Variants in NDST3 observed in about 807,000 individuals in gnomAD.
The protein encoded by NDST3 is bifunctional heparan sulfate N-deacetylase/N-sulfotransferase 3.
A neutral mutation model predicts 96.1 loss-of-function variants in NDST3; 58 were observed. That is an observed-to-expected ratio of 0.60 (90% confidence interval 0.49 to 0.75). NDST3 has a LOEUF of 0.75. Among genes scored for constraint, NDST3 ranks in the 30% least tolerant of loss-of-function variants. NDST3 has a pLI of 0.00. For synonymous variants in NDST3, 333 were observed against 359.7 expected (o/e 0.93, Z 0.84); for missense variants, 788 against 1,034.2 (o/e 0.76, Z 3.27).
chr4:118,246,432 T>C (rs1214756829), intron 12 of NDST3, among the ~76,000 whole-genome samples: 1 of 151,948 alleles, frequency 6.6e-6, no homozygotes, highest in African/African-American at 2.4e-5. Flanking sequence ...ATGGAGAAAC[T>C]TGTCTCTACT....
chr4:118,248,088 C>T (rs769205923), intron 12 of NDST3, among the ~76,000 whole-genome samples: 6 of 152,152 alleles, frequency 3.9e-5, no homozygotes, highest in African/African-American at 1.4e-4. Flanking sequence ...CTGTGGCTCA[C>T]GCCTGTAATC....
intron 6 of NDST3, among the ~76,000 whole-genome samples, chr4:118,188,725 T>A (rs970329538): frequency 6.6e-6 from 1 of 152,200 alleles, no homozygotes; most frequent in Non-Finnish European, 1.5e-5. Context: ...GGCTTCATAA[T>A]ATGATCCAAA....
intron 2 of NDST3, among the ~76,000 whole-genome samples, chr4:118,098,623 G>A (rs917755658): frequency 6.6e-6 from 1 of 151,980 alleles, no homozygotes; most frequent in African/African-American, 2.4e-5. Context: ...GTTAAAGTAT[G>A]TAACAGAAGT....
chr4:118,205,771 A>T (rs1225599316), intron 6 of NDST3, among the ~76,000 whole-genome samples: 2 of 143,010 alleles, frequency 1.4e-5, no homozygotes, highest in Non-Finnish European at 3.1e-5. Context: ...CCACCTCCAT[A>T]AGGTTCTTCT....
intron 1 of NDST3, among the ~76,000 whole-genome samples, 179 bp from the exon 2 acceptor site, chr4:118,053,577 C>T (rs1015312826): frequency 1.3e-5 from 2 of 151,912 alleles, no homozygotes; most frequent in East Asian, 3.9e-4. Flanking sequence ...ACCCCTTTTC[C>T]TCTTTCTACC....
rs1174166754 is a variant in NDST3, at chr4:118,139,278, C to T, written c.1410+1039C>T. Among the ~76,000 whole-genome samples the T allele has an allele frequency of 2.6e-5, 4 of 152,132 alleles. No individual in the cohort carries two copies. In the South Asian group the frequency reaches 6.2e-4, roughly 24 times the overall value. On this transcript the variant is annotated intron_variant, in intron 5 of 13. Transcript: ENST00000296499. ...TTCTGACCAGAGGGAGTTTAGAAGA[C>T]CTGGGATATATTTTTTCATTTCTCC...
chr4:118,103,167 CA>C (rs1206773066), intron 2 of NDST3, among the ~76,000 whole-genome samples: 3 of 151,518 alleles, frequency 2.0e-5, no homozygotes, highest in African/African-American at 7.3e-5. Context: ...TAAGTTTGAA[CA>C]AAAAGAAAGG....
Position 118,173,707 on chromosome 4 carries a change from C to T in NDST3, c.1539+30023C>T, listed in dbSNP as rs545477216. 9.9e-5 allele frequency among the ~76,000 whole-genome samples: 15 copies of T among 152,198 alleles called. 1 individual carries two copies. The South Asian group carries it at 3.1e-3, about 32-fold the overall frequency. On this transcript the variant is annotated intron_variant, in intron 6 of 13. Transcript: ENST00000296499. The stretch of plus-strand genomic sequence containing the variant: ...TTATTTTCCATATACTCTGTATGTA[C>T]ACACTCTGTATACAGTATGTATATG...
intron 12 of NDST3, among the ~76,000 whole-genome samples, chr4:118,247,508 C>T (rs772511159): frequency 5.9e-5 from 9 of 151,746 alleles, no homozygotes; most frequent in Admixed American, 1.3e-4. Context: ...GCCAAGATCG[C>T]GCCACTGCAA....
intron 6 of NDST3, among the ~76,000 whole-genome samples, chr4:118,151,237 TG>T (rs1163985578): frequency 1.3e-5 from 2 of 151,978 alleles, no homozygotes; most frequent in Non-Finnish European, 2.9e-5. Context: ...GGGACTGTTG[TG>T]GGGTGGAGTG....
intron 6 of NDST3, among the ~76,000 whole-genome samples, chr4:118,218,509 C>G (rs1346696134): frequency 6.6e-6 from 1 of 152,166 alleles, no homozygotes; most frequent in Non-Finnish European, 1.5e-5. Context: ...ATGTTAAAAA[C>G]TCCCAATAAA....
At chr4:118,169,550 TTGTG>T (rs2125935401) in intron 6 of NDST3, among the ~76,000 whole-genome samples, 1 of 152,158 alleles carries the variant, frequency 6.6e-6, no homozygotes, top group African/African-American at 2.4e-5. Context: ...TCCTAGCACT[TTGTG>T]AGGCTGAGGC....
intron 2 of NDST3, 189 bp downstream of exon 2, chr4:118,055,080 TAAAG>T (rs1411887806): frequency 2.8e-6 from 2 of 724,004 alleles, no homozygotes; most frequent in Non-Finnish European, 4.5e-6. Flanking sequence ...TCAAGAAAAA[TAAAG>T]ATTTTACTAA....
intron 4 of NDST3, among the ~76,000 whole-genome samples, chr4:118,125,375 C>T (rs1731964974): frequency 6.6e-6 from 1 of 152,024 alleles, no homozygotes; most frequent in African/African-American, 2.4e-5. Context: ...CTAAAAACAA[C>T]ATTGTCATCA....
Position 118,211,311 on chromosome 4 carries a change from T to C in NDST3, c.1540-13180T>C, listed in dbSNP as rs1265630015. Among the ~76,000 whole-genome samples the C allele has an allele frequency of 3.3e-5, 5 of 152,196 alleles. No homozygotes were observed. The East Asian group carries it at 9.6e-4, about 29-fold the overall frequency. On this transcript the variant is annotated intron_variant, in intron 6 of 13. Transcript: ENST00000296499. ...GGGACAGTGGGAAAAAGAAGTAAGA[T>C]TGCTTTAGTAATAATATCCCATGAA...
chr4:118,111,097 T>A (rs994839609), intron 3 of NDST3, among the ~76,000 whole-genome samples: 7 of 152,128 alleles, frequency 4.6e-5, no homozygotes, highest in Admixed American at 3.9e-4. Context: ...TTCTCATTTA[T>A]AAGTGAGAAC....
rs1726013121 is a variant in NDST3, at chr4:118,062,916, C to T, written c.981+8025C>T. On this transcript the variant is annotated intron_variant, in intron 2 of 13. Transcript: ENST00000296499. ...TTTTAAAGGTCTGATACAGTCTGGG[C>T]ACAGTGGCTCATGCCTGTAATCCCA... Among the ~76,000 whole-genome samples, 3 of 152,036 alleles carry T rather than the reference C, an allele frequency of 2.0e-5. No homozygotes were observed. The South Asian group carries it at 6.2e-4, about 32-fold the overall frequency.
intron 12 of NDST3, among the ~76,000 whole-genome samples, chr4:118,245,749 A>T (rs900652198): frequency 1.3e-5 from 2 of 152,190 alleles, no homozygotes; most frequent in African/African-American, 4.8e-5. Context: ...AAGTGGTTGT[A>T]ACAGTTCAAA....
At chr4:118,235,432 C>G (rs1262098863) in intron 9 of NDST3, among the ~76,000 whole-genome samples, 2 of 152,200 alleles carry the variant, frequency 1.3e-5, no homozygotes, top group East Asian at 3.9e-4. Context: ...GCCCTGCCCT[C>G]TCCATGAGCC....
Sources: allele counts gnomAD v4.1 joint callset (sites outside exome capture counted in the v4.1 genomes callset), GRCh38; gene constraint gnomAD v4.1.1; transcripts MANE v1.5; gene names NCBI Gene and HGNC (gene_info 2026-07-23, HGNC 2026-07-21).